ROBO1: variants seen among roughly 807,000 people sequenced by gnomAD.
ROBO1 encodes roundabout guidance receptor 1, also known as roundabout homolog 1.
A neutral mutation model predicts 195.9 loss-of-function variants in ROBO1; 149 were observed. The ratio of observed to expected loss-of-function variants is 0.76; its 90% CI spans 0.67 to 0.87. The LOEUF (loss-of-function observed/expected upper bound fraction) is 0.87, where lower values mean the gene tolerates loss of function less well. Among genes scored for constraint, ROBO1 ranks in the 40% least tolerant of loss-of-function variants. ROBO1 has a pLI of 0.00. For missense variants in ROBO1, 1,933 were observed against 2,068.3 expected, an observed-to-expected ratio of 0.93 and a Z score of 1.27; for synonymous variants, 816 against 733.2, an observed-to-expected ratio of 1.11 and a Z score of -1.82.
intron 4 of ROBO1, among the ~76,000 whole-genome samples, chr3:78,824,978 G>T (rs1052766658): frequency 1.3e-5 from 2 of 151,802 alleles, no homozygotes; most frequent in Non-Finnish European, 2.9e-5. Context: ...CCTAAATTCT[G>T]TTTCACTTTT....
rs752999097 is a variant in ROBO1, at chr3:78,647,593, A to C, written c.2839+36T>G. On this transcript the variant is annotated intron_variant, in intron 20 of 30. Transcript: ENST00000464233. ...CAATAGTGGAACACATGCCAAACTAACAATGGAAAGGAGGAGGGTAAGTGC... is the reference window on the plus strand; with the variant it reads ...CAATAGTGGAACACATGCCAAACTACCAATGGAAAGGAGGAGGGTAAGTGC... The C allele has an allele frequency of 2.0e-5, 32 of 1,594,560 alleles. 1 individual carries two copies. The South Asian group carries it at 3.3e-4, about 16-fold the overall frequency.
chr3:78,995,975 G>C (rs2077355649), intron 3 of ROBO1, among the ~76,000 whole-genome samples: 1 of 152,004 alleles, frequency 6.6e-6, no homozygotes, highest in Non-Finnish European at 1.5e-5. Flanking sequence ...GCTGCCTAAA[G>C]GGGCAGCTCC....
At chr3:79,067,515 C>T (rs959940183) in intron 3 of ROBO1, among the ~76,000 whole-genome samples, 3 of 151,938 alleles carry the variant, frequency 2.0e-5, no homozygotes, top group Non-Finnish European at 2.9e-5. Context: ...AACGATGTGA[C>T]TTAGGGCAGC....
intron 3 of ROBO1, among the ~76,000 whole-genome samples, chr3:78,950,037 A>G (rs1444400069): frequency 6.6e-6 from 1 of 152,178 alleles, no homozygotes; most frequent in African/African-American, 2.4e-5. Flanking sequence ...ATGTGGAGAA[A>G]TAGGAACACT....
chr3:79,113,949 T>C (rs2079941983), intron 3 of ROBO1, among the ~76,000 whole-genome samples: 1 of 152,186 alleles, frequency 6.6e-6, no homozygotes. Flanking sequence ...AATCCGCATG[T>C]GTCAAGGGCT....
At chr3:78,881,425 T>C (rs2036173747) in intron 4 of ROBO1, among the ~76,000 whole-genome samples, 1 of 152,182 alleles carries the variant, frequency 6.6e-6, no homozygotes, top group Non-Finnish European at 1.5e-5. Context: ...GATATTTATA[T>C]CTGGCACTAA....
chr3:78,651,926 G>T lies in ROBO1; in HGVS notation c.2618C>A (p.Ala873Asp). 1 of 1,611,458 alleles carries T rather than the reference G, an allele frequency of 6.2e-7. No homozygotes were observed. Reference protein sequence around the residue: ...KSEPQFIQLDAHGNPVSPEDQ... With the variant: ...KSEPQFIQLDDHGNPVSPEDQ... ...CTCAGGTGACACAGGGTTTCCATGG[G>T]CATCTGAAAAGTCATCTTCCGATTA... The change falls in exon 19 of 31, where the codon GCC (alanine) becomes GAC (aspartate). Residue 873 changes from alanine to aspartate, a missense_variant. This residue lies in a region of ROBO1 where 1,737 missense variants were observed against 1,882.5 expected (regional missense o/e 0.92). Coordinates refer to ENST00000464233, the MANE Select transcript of ROBO1 (RefSeq NM_002941.4).
chr3:79,531,332 A>G (rs1026684269), intron 2 of ROBO1, among the ~76,000 whole-genome samples: 13 of 152,212 alleles, frequency 8.5e-5, no homozygotes, highest in Non-Finnish European at 1.5e-4. Flanking sequence ...ATAACATTAC[A>G]TTACATTGGC....
chr3:78,647,117 C>T (rs1264418591), intron 20 of ROBO1, among the ~76,000 whole-genome samples: 1 of 151,910 alleles, frequency 6.6e-6, no homozygotes, highest in African/African-American at 2.4e-5. Flanking sequence ...CAGAAGAGGA[C>T]CCATTTTGAA....
intron 2 of ROBO1, among the ~76,000 whole-genome samples, chr3:79,537,434 T>A (rs1941914800): frequency 6.6e-6 from 1 of 152,172 alleles, no homozygotes; most frequent in Admixed American, 6.5e-5. Context: ...AATGTCCCAC[T>A]ATGGGACAAA....
intron 2 of ROBO1, among the ~76,000 whole-genome samples, chr3:79,305,487 C>CAAAAAAAAAAAAAAAAAAAA (rs755731665): frequency 1.8e-5 from 1 of 55,706 alleles, no homozygotes; most frequent in Non-Finnish European, 3.6e-5. Flanking sequence ...AACTCCATCT[C>CAAAAAAAAAAAAAAAAAAAA]AAAAAAAAAA....
At chr3:79,764,868 T>A (rs1004885438) in intron 1 of ROBO1, among the ~76,000 whole-genome samples, 3 of 152,196 alleles carry the variant, frequency 2.0e-5, no homozygotes, top group Non-Finnish European at 4.4e-5. Context: ...ATTTGTTCTT[T>A]ATTTTGTGCA....
intron 2 of ROBO1, among the ~76,000 whole-genome samples, chr3:79,258,466 T>C (rs571899284): frequency 6.6e-6 from 1 of 152,328 alleles, no homozygotes; most frequent in African/African-American, 2.4e-5. Context: ...TCCTTCACAT[T>C]ACATTAACCT....
rs534629107 is a variant in ROBO1 at position 78,598,093 on chromosome 3, C to T, written c.*820G>A. 3.3e-5 allele frequency: 5 copies of T among 152,616 alleles called. No homozygotes were observed. 9.5% of individuals were successfully genotyped at this position (152,616 alleles called of 1,614,324 possible). On this transcript the variant is annotated 3_prime_UTR_variant, in exon 31 of 31. Coordinates refer to ENST00000464233, the MANE Select transcript of ROBO1 (RefSeq NM_002941.4). ...CAGTTAAGACAGGGATGTTCTTACT[C>T]AATTGGTCATTAAAAACATCCACTT...
intron 4 of ROBO1, among the ~76,000 whole-genome samples, chr3:78,826,194 T>C (rs2031581632): frequency 6.6e-6 from 1 of 152,206 alleles, no homozygotes; most frequent in South Asian, 2.1e-4. Flanking sequence ...CAGAAAAGAC[T>C]AGCTAGTTTG....
intron 4 of ROBO1, among the ~76,000 whole-genome samples, chr3:78,822,573 ATAGATAC>A (rs1489066279): frequency 6.6e-6 from 1 of 152,240 alleles, no homozygotes; most frequent in African/African-American, 2.4e-5. Flanking sequence ...AAAGCAGATT[ATAGATAC>A]TTTGAAAGTA....
chr3:78,634,175 ATTG>A, intron 23 of ROBO1, 133 bp from the exon 24 acceptor site: 1 of 529,784 alleles, frequency 1.9e-6, no homozygotes, highest in South Asian at 2.8e-5. Flanking sequence ...TTTCTCTTCT[ATTG>A]TTGTATTCAG....
intron 25 of ROBO1, among the ~76,000 whole-genome samples, chr3:78,628,256 G>T (rs1704943632): frequency 6.6e-6 from 1 of 152,076 alleles, no homozygotes; most frequent in Admixed American, 6.6e-5. Flanking sequence ...GCCCAGCCAA[G>T]AAAAATTACT....
In ROBO1 at chr3:79,061,626, T is replaced by G. The variant is rs149209760; in HGVS notation, c.172+63830A>C. Reference sequence around the variant, plus strand: ...ATACTGCATGGCTACAGTAACCAAATAGCATGGTACTGGTACCAAAACAGA... The same window carrying G: ...ATACTGCATGGCTACAGTAACCAAAGAGCATGGTACTGGTACCAAAACAGA... On this transcript the variant is annotated intron_variant, in intron 3 of 30. Coordinates refer to ENST00000464233, the MANE Select transcript of ROBO1 (RefSeq NM_002941.4). Among the ~76,000 whole-genome samples, 4 of 151,852 alleles carry G rather than the reference T, an allele frequency of 2.6e-5. 1 individual carries two copies. Among genetic ancestry groups the G allele is most frequent in the South Asian group, 4.2e-4 (2 of 4,806 alleles).
Sources: gnomAD v4.1 joint callset for allele counts (sites outside exome capture counted in the v4.1 genomes callset) on GRCh38, gnomAD v4.1.1 for gene constraint, gnomAD v4.1.1 regional missense constraint, MANE v1.5 for transcripts, NCBI Gene and HGNC (gene_info 2026-07-23, HGNC 2026-07-21) for gene names.